Variants in TRABD observed in about 807,000 individuals in gnomAD.
TRABD encodes the protein traB domain-containing protein.
Under a neutral mutation model 39.6 loss-of-function variants are expected in TRABD, and 23 were observed. The observed-to-expected ratio is 0.58, with a 90% CI of 0.42 to 0.82. TRABD has a LOEUF of 0.82. Among genes scored for constraint, TRABD ranks in the 40% least tolerant of loss-of-function variants. TRABD has a pLI of 0.00. For synonymous variants in TRABD, 243 were observed against 232.1 expected (o/e 1.05, Z -0.43); for missense variants, 487 against 544.9 (o/e 0.89, Z 1.06).
Position 50,193,248 on chromosome 22 carries a change from C to T in TRABD, c.33+155C>T, listed in dbSNP as rs912010180. 1.4e-4 allele frequency among the ~76,000 whole-genome samples: 21 copies of T among 152,142 alleles called. 1 individual carries two copies. The highest frequency in any genetic ancestry group is 8.3e-4 in the South Asian group (4 of 4,832). On this transcript the variant is annotated intron_variant, in intron 2 of 9. Coordinates refer to ENST00000380909, the MANE Select transcript of TRABD (RefSeq NM_001320485.2). ...AGGAGGCACCTCCGAGGGAGAGGGG[C>T]GCTGGGCTGAGGTGGCCTGGTGGCC...
At chr22:50,190,129 C>T (rs187281499) in intron 1 of TRABD, among the ~76,000 whole-genome samples, 3 of 152,338 alleles carry the variant, frequency 2.0e-5, no homozygotes, top group Admixed American at 6.5e-5. Flanking sequence ...CTGTCAGAGA[C>T]GTCCCCCAGA....
intron 1 of TRABD, among the ~76,000 whole-genome samples, chr22:50,186,321 G>T (rs1223866087): frequency 2.1e-5 from 3 of 145,860 alleles, no homozygotes; most frequent in Non-Finnish European, 4.6e-5. Flanking sequence ...GTCGTTGGGG[G>T]GGCCAGGCCC....
rs2064237511 is a variant in TRABD, at chr22:50,199,163, A to AG, written c.*647dup. The AG allele has an allele frequency of 1.4e-6, 1 of 719,016 alleles. No homozygotes were observed. Among genetic ancestry groups the AG allele is most frequent in the South Asian group, 1.5e-5 (1 of 67,874 alleles). The allele number at this position is 719,016 out of a possible 1,614,324, so 44.5% of individuals were successfully genotyped here. ...CAAAAAACACCAGCCTTAAATCCAA[A>AG]GGGAGAGAATTCGTGTTCTTGGGTC... On this transcript the variant is annotated 3_prime_UTR_variant, in exon 10 of 10. Transcript: ENST00000380909.
At chr22:50,194,308 C>T (rs368191049) in intron 3 of TRABD, 32 bp from the exon 4 acceptor site, 123 of 1,600,754 alleles carry the variant, frequency 7.7e-5, no homozygotes, top group East Asian at 1.6e-4. Flanking sequence ...GGGGTGGGCC[C>T]GGCACCACAA....
rs928299111 is a variant in TRABD at position 50,198,058 on chromosome 22, C to T, written c.845-17C>T. On this transcript the variant is annotated splice_polypyrimidine_tract_variant and intron_variant, in intron 8 of 9. Transcript: ENST00000380909. The surrounding 1 kb of genome is among the most constrained non-coding windows in gnomAD (Gnocchi z 7.9). ...CTGAGGCCCGAGCAGGTACTGACCC[C>T]TTGTCCTTCCCCACAGCCGAGCCCA... 1.2e-6 allele frequency: 2 copies of T among 1,612,384 alleles called. No individual in the cohort carries two copies. Among genetic ancestry groups the T allele is most frequent in the Non-Finnish European group, 1.7e-6 (2 of 1,179,536 alleles).
At position 50,194,952 on chromosome 22, in the gene TRABD, G is replaced by A. The variant is rs767045729; in HGVS notation, c.332G>A (p.Arg111His). ...DVVVVELCQY[R>H]VSMLKMDEST... ...GTGGTCGTGGAGCTCTGCCAATATC[G>A]TGTGTCCATGCTGAAGATGGACGAG... The change falls in exon 5 of 10, where the codon CGT becomes CAT. Residue 111 changes from arginine to histidine, a missense_variant. Physicochemically the swap from Arg to His is conservative, Grantham distance 29. This residue lies in a region of TRABD where 358 missense variants were observed against 414.7 expected (regional missense o/e 0.86). Coordinates refer to ENST00000380909, the MANE Select transcript of TRABD (RefSeq NM_001320485.2). The A allele has an allele frequency of 2.8e-5, 45 of 1,612,846 alleles. No homozygotes were observed. The highest frequency in any genetic ancestry group is 3.4e-5 in the Non-Finnish European group (40 of 1,179,964).
At chr22:50,195,106 C>A in intron 5 of TRABD, 66 bp downstream of exon 5, 1 of 1,490,396 alleles carries the variant, frequency 6.7e-7, no homozygotes, top group South Asian at 1.3e-5. Flanking sequence ...GCCTGTTGCC[C>A]AGGTTCCTCT....
At chr22:50,197,660 G>A (rs2064165098) in intron 7 of TRABD, 72 bp downstream of exon 7, 1 of 1,590,104 alleles carries the variant, frequency 6.3e-7, no homozygotes, top group South Asian at 1.1e-5. Context: ...TCCTGTGCAG[G>A]TCCAAGCGCA....
Position 50,199,207 on chromosome 22 carries a change from G to T in TRABD, c.*688G>T, listed in dbSNP as rs1448801084. On this transcript the variant is annotated 3_prime_UTR_variant, in exon 10 of 10. Coordinates refer to ENST00000380909, the MANE Select transcript of TRABD (RefSeq NM_001320485.2). ...TTGGGTCTGTCCCGAGTGGGCTCGC[G>T]TGCAGCCAAACATCAGCTCTGGGTC... 1.4e-6 allele frequency: 1 copy of T among 701,446 alleles called. No homozygotes were observed. Among genetic ancestry groups the T allele is most frequent in the Admixed American group, 2.1e-5 (1 of 47,986 alleles). The allele number at this position is 701,446 out of a possible 1,614,324, so 43.5% of individuals were successfully genotyped here.
At chr22:50,189,271 T>TCC (rs990779028) in intron 1 of TRABD, among the ~76,000 whole-genome samples, 2 of 152,192 alleles carry the variant, frequency 1.3e-5, no homozygotes, top group African/African-American at 2.4e-5. Flanking sequence ...GGAGGCAGGT[T>TCC]CCCGCCTTAA....
chr22:50,194,916 A>G lies in TRABD; in HGVS notation c.296A>G (p.Gln99Arg). 1 of 1,612,828 alleles carries G rather than the reference A, an allele frequency of 6.2e-7. No homozygotes were observed. Among genetic ancestry groups the G allele is most frequent in the Non-Finnish European group, 8.5e-7 (1 of 1,179,906 alleles). Residue 99 changes from glutamine to arginine, a missense_variant, in exon 5 of 10, where the codon CAG (glutamine) becomes CGG (arginine). Physicochemically the swap from Gln to Arg is conservative, Grantham distance 43. This residue lies in a region of TRABD where 358 missense variants were observed against 414.7 expected (regional missense o/e 0.86). Transcript: ENST00000380909. ...CTGTTGCAGACCATCCGGGAGGTGC[A>G]GCCTGACGTGGTGGTCGTGGAGCTC... The part of the protein sequence containing the change: ...RDVVKTIREV[Q>R]PDVVVVELCQ...
chr22:50,199,238 G>C lies in TRABD; in HGVS notation c.*719G>C, dbSNP rs1176289943. On this transcript the variant is annotated 3_prime_UTR_variant, in exon 10 of 10. Transcript: ENST00000380909. ...CCAAACATCAGCTCTGGGTCCAGGC[G>C]TGGCCTCAGCTGGGAGCCTGTGTCC... The C allele has an allele frequency of 1.5e-6, 1 of 664,278 alleles. No homozygotes were observed. The highest frequency in any genetic ancestry group is 2.8e-6 in the Non-Finnish European group (1 of 357,956). 41.1% of individuals were successfully genotyped at this position (664,278 alleles called of 1,614,324 possible). A position where few individuals can be genotyped will look rare whatever the true frequency, so the allele number is the denominator to read the frequency against.
intron 1 of TRABD, among the ~76,000 whole-genome samples, chr22:50,186,357 C>T (rs1260738342): frequency 1.5e-5 from 2 of 136,898 alleles, no homozygotes; most frequent in Non-Finnish European, 3.2e-5. Flanking sequence ...GCCGGGGGAG[C>T]AGGTCGTGGG....
chr22:50,194,523 G>C lies in TRABD; in HGVS notation c.279+17G>C. ...GTTGTGAAGGTGAGCGCCGCCACCC[G>C]CCACATCCCGGACACGGGTTGGTGT... On this transcript the variant is annotated intron_variant, in intron 4 of 9. Transcript: ENST00000380909. 1.9e-6 allele frequency: 3 copies of C among 1,559,924 alleles called. No homozygotes were observed. Among genetic ancestry groups the C allele is most frequent in the African/African-American group, 2.7e-5 (2 of 73,550 alleles).
At chr22:50,193,429 C>A in intron 2 of TRABD, 147 bp from the exon 3 acceptor site, 1 of 745,214 alleles carries the variant, frequency 1.3e-6, no homozygotes, top group Non-Finnish European at 2.2e-6. Context: ...GTCCGTGGAG[C>A]GGTCACGGGC....
rs920871656 is a variant in TRABD, at chr22:50,198,041, C to T, written c.845-34C>T. The T allele has an allele frequency of 9.9e-6, 16 of 1,610,996 alleles. No homozygotes were observed. The highest frequency in any genetic ancestry group is 1.4e-5 in the Non-Finnish European group (16 of 1,178,756). On this transcript the variant is annotated intron_variant, in intron 8 of 9. Transcript: ENST00000380909. The surrounding 1 kb of genome is among the most constrained non-coding windows in gnomAD (Gnocchi z 7.9). ...TGGGACCCCCTGTGAGGCTGAGGCCCGAGCAGGTACTGACCCCTTGTCCTT... is the reference window on the plus strand; with the variant it reads ...TGGGACCCCCTGTGAGGCTGAGGCCTGAGCAGGTACTGACCCCTTGTCCTT...
At chr22:50,188,909 C>T (rs933952512) in intron 1 of TRABD, among the ~76,000 whole-genome samples, 4 of 152,348 alleles carry the variant, frequency 2.6e-5, no homozygotes, top group East Asian at 1.9e-4. Context: ...AGAGCCCTAA[C>T]GGATGGGCTT....
intron 1 of TRABD, among the ~76,000 whole-genome samples, chr22:50,190,820 G>A (rs1024469449): frequency 2.0e-5 from 3 of 152,226 alleles, no homozygotes; most frequent in Non-Finnish European, 2.9e-5. Context: ...GGGTTGCATC[G>A]TGGAGCTTTC....
At chr22:50,190,869 G>A (rs6537634) in intron 1 of TRABD, among the ~76,000 whole-genome samples, 3,407 of 152,324 alleles carry the variant, frequency 0.022, 138 homozygotes, top group African/African-American at 0.078. Flanking sequence ...AGGGTCCGGG[G>A]CCTGGTCCTG....
Sources: allele counts gnomAD v4.1 joint callset (sites outside exome capture counted in the v4.1 genomes callset), GRCh38; gene constraint gnomAD v4.1.1; regional missense constraint gnomAD v4.1.1; non-coding constraint Gnocchi (gnomAD v3.1); transcripts MANE v1.5; gene names NCBI Gene and HGNC (gene_info 2026-07-23, HGNC 2026-07-21).